The following MARK3 variants were observed in gnomAD, a reference collection of about 807,000 sequenced individuals.
MARK3 encodes the protein microtubule affinity regulating kinase 3, also known as MAP/microtubule affinity-regulating kinase 3.
MARK3 carries 46 observed loss-of-function variants against 90.1 expected under a neutral mutation model. That is an observed-to-expected ratio of 0.51 (90% CI 0.40 to 0.65). The LOEUF (loss-of-function observed/expected upper bound fraction) is 0.65, where lower values mean the gene tolerates loss of function less well. Among genes scored for constraint, MARK3 ranks in the 30% least tolerant of loss-of-function variants. The pLI is 0.00. For synonymous variants in MARK3, 321 were observed against 332.6 expected (o/e 0.97, Z 0.38); for missense variants, 818 against 947.2 (o/e 0.86, Z 1.79).
intron 12 of MARK3, among the ~76,000 whole-genome samples, chr14:103,471,271 G>C (rs939811974): frequency 2.6e-5 from 4 of 152,144 alleles, no homozygotes; most frequent in African/African-American, 9.7e-5. Flanking sequence ...TAAGCACATA[G>C]ATTCCATCCA....
chr14:103,483,502 T>G lies in MARK3; in HGVS notation c.1586+3012T>G, dbSNP rs142170960. On this transcript the variant is annotated intron_variant, in intron 14 of 17. Transcript: ENST00000429436. ...TTACTAAATGCAAGGCTTTTTCTCG[T>G]CATAGGCAATATAATTAATTTTAAT... Among the ~76,000 whole-genome samples the G allele has an allele frequency of 4.3e-3, 651 of 152,326 alleles. 5 individuals are homozygous for G. The highest frequency in any genetic ancestry group is 0.015 in the African/African-American group (628 of 41,592).
chr14:103,498,734 A>C, intron 16 of MARK3: 1 of 343,978 alleles, frequency 2.9e-6, no homozygotes, highest in Non-Finnish European at 5.0e-6. Context: ...GTACCCATGC[A>C]ACAAAAGGCT....
rs557858723 is a variant in MARK3 at position 103,430,078 on chromosome 14, G to T, written c.297+1638G>T. Among the ~76,000 whole-genome samples, 123 of 152,022 alleles carry T rather than the reference G, an allele frequency of 8.1e-4. 1 individual carries two copies. Among genetic ancestry groups the T allele is most frequent in the African/African-American group, 2.9e-3 (120 of 41,442 alleles). The stretch of plus-strand genomic sequence containing the variant: ...AGTTTAGTGCATGGTAGTTTGGTTA[G>T]CCCATTAGTGTGATTATGCATATTT... On this transcript the variant is annotated intron_variant, in intron 3 of 17. Transcript: ENST00000429436.
chr14:103,412,536 T>C (rs2091707216), intron 2 of MARK3: 2 of 568,102 alleles, frequency 3.5e-6, no homozygotes, highest in Non-Finnish European at 3.2e-6. Flanking sequence ...ATCCGTGGCC[T>C]TGGTCTCGTC....
At chr14:103,452,807 C>T (rs1343394352) in intron 5 of MARK3, among the ~76,000 whole-genome samples, 1 of 152,178 alleles carries the variant, frequency 6.6e-6, no homozygotes, top group East Asian at 1.9e-4. Context: ...ATTGATGCAG[C>T]ATAGTGTCCT....
chr14:103,458,138 C>G (rs2093315505), intron 6 of MARK3, among the ~76,000 whole-genome samples: 1 of 152,186 alleles, frequency 6.6e-6, no homozygotes, highest in African/African-American at 2.4e-5. Flanking sequence ...TCTGTCGCAA[C>G]TATTTAACTC....
At chr14:103,491,675 A>G (rs917845033) in intron 14 of MARK3, 102 bp from the exon 15 acceptor site, 2 of 1,345,142 alleles carry the variant, frequency 1.5e-6, no homozygotes, top group Non-Finnish European at 2.0e-6. Context: ...TTGGATCTGG[A>G]TTTTTTATAC....
chr14:103,485,063 CAAAAAA>C (rs34312214), intron 14 of MARK3, among the ~76,000 whole-genome samples: 1 of 97,750 alleles, frequency 1.0e-5, no homozygotes, highest in Non-Finnish European at 2.0e-5. Context: ...ACTAAAAATA[CAAAAAA>C]AAAAAAAAAA....
At chr14:103,472,816 C>A (rs998126362) in intron 12 of MARK3, among the ~76,000 whole-genome samples, 2 of 152,002 alleles carry the variant, frequency 1.3e-5, no homozygotes, top group Non-Finnish European at 2.9e-5. Flanking sequence ...GACCATCTGG[C>A]CAACATGGTG....
intron 13 of MARK3, among the ~76,000 whole-genome samples, chr14:103,479,775 G>A (rs1201729843): frequency 1.3e-5 from 2 of 151,494 alleles, no homozygotes; most frequent in Admixed American, 1.3e-4. Context: ...TGAGTAGCTG[G>A]GATTACAGGC....
intron 1 of MARK3, 97 bp from the exon 2 acceptor site, chr14:103,404,979 A>G (rs1160907131): frequency 1.2e-6 from 1 of 803,352 alleles, no homozygotes; most frequent in Non-Finnish European, 1.9e-6. Context: ...GATTAAAATT[A>G]AAGTAGGAAT....
intron 1 of MARK3, among the ~76,000 whole-genome samples, chr14:103,399,219 T>G (rs1369891815): frequency 1.3e-5 from 2 of 152,206 alleles, no homozygotes; most frequent in Non-Finnish European, 2.9e-5. Context: ...GTCTTCTGAT[T>G]ATACAGTGAT....
chr14:103,418,219 C>CTTTTTTTTTTTTTTT (rs36012703), intron 2 of MARK3, among the ~76,000 whole-genome samples: 2 of 61,664 alleles, frequency 3.2e-5, no homozygotes, highest in Non-Finnish European at 6.3e-5. Flanking sequence ...ATAGTAAAGG[C>CTTTTTTTTTTTTTTT]TTTTTTTTTT....
intron 17 of MARK3, among the ~76,000 whole-genome samples, chr14:103,502,533 T>C (rs2075727796): frequency 6.6e-6 from 1 of 152,204 alleles, no homozygotes; most frequent in African/African-American, 2.4e-5. Context: ...TGGCAACTCC[T>C]TCCCTGAGCT....
intron 1 of MARK3, among the ~76,000 whole-genome samples, chr14:103,392,036 A>C (rs1201444246): frequency 1.3e-5 from 2 of 152,282 alleles, no homozygotes; most frequent in Middle Eastern, 6.8e-3. Flanking sequence ...AAAGTACCAG[A>C]GGCCCAGGGC....
chr14:103,464,444 G>C (rs1361894383), intron 7 of MARK3, among the ~76,000 whole-genome samples: 1 of 151,578 alleles, frequency 6.6e-6, no homozygotes, highest in African/African-American at 2.4e-5. Flanking sequence ...GATTACAGGC[G>C]CCCACCACCA....
At chr14:103,422,751 C>G (rs1477733878) in intron 2 of MARK3, among the ~76,000 whole-genome samples, 1 of 152,128 alleles carries the variant, frequency 6.6e-6, no homozygotes, top group African/African-American at 2.4e-5. Context: ...TATTTTGTGT[C>G]TATTTCTTTT....
chr14:103,502,987 C>G lies in MARK3; in HGVS notation c.2022C>G (p.Asp674Glu), dbSNP rs2075755558. 6.2e-7 allele frequency: 1 copy of G among 1,614,272 alleles called. No homozygotes were observed. Among genetic ancestry groups the G allele is most frequent in the Non-Finnish European group, 8.5e-7 (1 of 1,180,052 alleles). Residue 674 changes from aspartate to glutamate, a missense_variant, in exon 18 of 18, where the codon GAC becomes GAG. By Grantham distance (45) the Asp-to-Glu change is conservative. Transcript: ENST00000429436. ...CCACTAGTTCAATGGATCCCGGGGA[C>G]ATGATGCGGGAAATCCGCAAAGTGT... ...MKTTSSMDPG[D>E]MMREIRKVLD...
At chr14:103,496,088 C>T (rs1461554966) in intron 15 of MARK3, among the ~76,000 whole-genome samples, 2 of 152,232 alleles carry the variant, frequency 1.3e-5, no homozygotes, top group Admixed American at 1.3e-4. Context: ...ACTGCAGAGT[C>T]ACCCATACCC....
Sources: gnomAD v4.1 joint callset for allele counts (sites outside exome capture counted in the v4.1 genomes callset) on GRCh38, gnomAD v4.1.1 for gene constraint, MANE v1.5 for transcripts, NCBI Gene and HGNC (gene_info 2026-07-23, HGNC 2026-07-21) for gene names.